The following DEK variants were observed in gnomAD, a reference collection of about 807,000 sequenced individuals.
DEK encodes DEK proto-oncogene.
A neutral mutation model predicts 46.8 loss-of-function variants in DEK; 28 were observed. The ratio of observed to expected loss-of-function variants is 0.60; its 90% CI spans 0.44 to 0.82. DEK has a LOEUF of 0.82. Ranked by LOEUF, DEK falls within the 40% of genes least tolerant of loss-of-function variation. DEK has a pLI of 0.00. For synonymous variants in DEK, 160 were observed against 144.5 expected (o/e 1.11, Z -0.77); for missense variants, 416 against 430.6 (o/e 0.97, Z 0.30).
chr6:18,243,324 A>ATT lies in DEK; in HGVS notation c.763-5810_763-5809dup, dbSNP rs5874630. On this transcript the variant is annotated intron_variant, in intron 7 of 10. Transcript: ENST00000652689. The stretch of plus-strand genomic sequence containing the variant: ...CCTGGAAGACCAGAGGACGTGTCTC[A>ATT]TTTTTTTTTTCTCCCACTTAGTAAA... Among the ~76,000 whole-genome samples, 193 of 149,860 alleles carry ATT rather than the reference A, an allele frequency of 1.3e-3. 1 individual carries two copies. Among genetic ancestry groups the ATT allele is most frequent in the African/African-American group, 4.4e-3 (180 of 40,854 alleles).
rs940401137 is a variant in DEK, at chr6:18,259,353, C to T, written c.146-948G>A. 4.6e-5 allele frequency among the ~76,000 whole-genome samples: 6 copies of T among 129,116 alleles called. 1 individual carries two copies. In the South Asian group the frequency reaches 1.5e-3, roughly 31 times the overall value. 84.7% of individuals were successfully genotyped at this position (129,116 alleles called of 152,430 possible). On this transcript the variant is annotated intron_variant, in intron 2 of 10. Transcript: ENST00000652689. Reference sequence around the variant, plus strand: ...GAGCTTGCAGTGAGCCGAGATCGCACCACTGCACCTCAGCCTGGGCGACAC... The same window carrying T: ...GAGCTTGCAGTGAGCCGAGATCGCATCACTGCACCTCAGCCTGGGCGACAC...
In DEK at chr6:18,264,444, G is replaced by C. The variant is rs761658664; in HGVS notation, c.-69C>G. ...GGGCACGAGGAGGTTCTGGGAGGCG[G>C]CGGCGGCCGACGCCGAGGAGAAGGC... On this transcript the variant is annotated 5_prime_UTR_variant, in exon 1 of 11. Coordinates refer to ENST00000652689, the MANE Select transcript of DEK (RefSeq NM_003472.4). The C allele has an allele frequency of 7.2e-6, 2 of 277,886 alleles. No homozygotes were observed. The highest frequency in any genetic ancestry group is 4.6e-5 in the African/African-American group (2 of 43,782). The allele number at this position is 277,886 out of a possible 1,614,324, so 17.2% of individuals were successfully genotyped here. A position where few individuals can be genotyped will look rare whatever the true frequency, so the allele number is the denominator to read the frequency against.
chr6:18,234,149 G>A (rs1289092278), intron 9 of DEK, among the ~76,000 whole-genome samples: 1 of 132,646 alleles, frequency 7.5e-6, no homozygotes, highest in African/African-American at 2.8e-5. Context: ...AGAACGCTTG[G>A]ACACAGGAAG....
chr6:18,232,570 A>T (rs1043331007), intron 9 of DEK, among the ~76,000 whole-genome samples: 1 of 152,132 alleles, frequency 6.6e-6, no homozygotes, highest in African/African-American at 2.4e-5. Context: ...TACACCCATA[A>T]CAGACAGAGA....
At chr6:18,225,786 T>C in intron 10 of DEK, 56 bp from the exon 11 acceptor site, 1 of 1,596,034 alleles carries the variant, frequency 6.3e-7, no homozygotes, top group Non-Finnish European at 8.6e-7. Flanking sequence ...TATCCCATTT[T>C]TTCCACATCT....
intron 9 of DEK, among the ~76,000 whole-genome samples, chr6:18,234,189 G>A (rs1435756269): frequency 6.6e-6 from 1 of 150,994 alleles, no homozygotes; most frequent in Non-Finnish European, 1.5e-5. Context: ...GCCTGTTGTG[G>A]GGTGGGGGGG....
In DEK at chr6:18,236,553, A is replaced by G. The variant is rs1790657157; in HGVS notation, c.946T>C (p.Leu316=). The change falls in exon 9 of 11, where the codon TTG becomes CTG. Residue 316 remains leucine, a synonymous_variant. Transcript: ENST00000652689. ...SSDDEPLIKK[L]KKPPTDEELK... Reference sequence around the variant, plus strand: ...TCTTCATCTGTAGGGGGTTTCTTCAACTTTTTAATTAAAGGTTCATCATCT... The same window carrying G: ...TCTTCATCTGTAGGGGGTTTCTTCAGCTTTTTAATTAAAGGTTCATCATCT... The G allele has an allele frequency of 1.3e-6, 2 of 1,584,114 alleles. No homozygotes were observed. The highest frequency in any genetic ancestry group is 1.7e-6 in the Non-Finnish European group (2 of 1,170,958).
At position 18,224,543 on chromosome 6, in the gene DEK, A is replaced by C. The variant is rs773541899; in HGVS notation, c.*1176T>G. ...TGGTCCATTATGTTGATCATCTAGA[A>C]TCAACACTGATTAACCAAACTCTGA... On this transcript the variant is annotated 3_prime_UTR_variant, in exon 11 of 11. Transcript: ENST00000652689. The C allele has an allele frequency of 3.0e-5, 6 of 201,138 alleles. No homozygotes were observed. The highest frequency in any genetic ancestry group is 6.1e-5 in the Non-Finnish European group (6 of 97,784). 12.5% of individuals were successfully genotyped at this position (201,138 alleles called of 1,614,324 possible).
intron 7 of DEK, among the ~76,000 whole-genome samples, chr6:18,240,242 C>T (rs1278508769): frequency 1.3e-5 from 2 of 152,182 alleles, no homozygotes; most frequent in East Asian, 3.8e-4. Flanking sequence ...AACAAAACCA[C>T]ATCTTTCTAC....
At chr6:18,257,809 G>A (rs779480306) in intron 4 of DEK, 144 bp downstream of exon 4, 51 of 457,278 alleles carry the variant, frequency 1.1e-4, no homozygotes, top group Middle Eastern at 4.2e-4. Flanking sequence ...TGTGTTTCCT[G>A]TGATAAATCA....
chr6:18,246,713 A>C (rs146856880), intron 7 of DEK, among the ~76,000 whole-genome samples: 237 of 152,352 alleles, frequency 1.6e-3, no homozygotes, highest in African/African-American at 5.5e-3. Flanking sequence ...GAGAACTATA[A>C]ACTTACTCGG....
At chr6:18,244,249 T>C (rs1245437931) in intron 7 of DEK, among the ~76,000 whole-genome samples, 1 of 152,206 alleles carries the variant, frequency 6.6e-6, no homozygotes. Context: ...TACTTCTCTA[T>C]ATGCTGAGTG....
At position 18,237,513 on chromosome 6, in the gene DEK, G is replaced by A; in HGVS notation, c.766C>T (p.Pro256Ser). Residue 256 changes from proline to serine, a missense_variant, in exon 8 of 11, where the codon CCA (proline) becomes TCA (serine). Coordinates refer to ENST00000652689, the MANE Select transcript of DEK (RefSeq NM_003472.4). ...TTTTCTCTTTTGGCTGTCTTTTTTG[G>A]TGGCTGTTACAAAAGAAAGTAAAAG... Reference protein sequence around the residue: ...DEDKESEEEPPKKTAKREKPK... With the variant: ...DEDKESEEEPSKKTAKREKPK... The A allele has an allele frequency of 6.3e-7, 1 of 1,595,426 alleles. No individual in the cohort carries two copies. Among genetic ancestry groups the A allele is most frequent in the Admixed American group, 1.8e-5 (1 of 54,704 alleles).
Position 18,225,460 on chromosome 6 carries a change from C to G in DEK, c.*259G>C, listed in dbSNP as rs1248949376. The G allele has an allele frequency of 2.4e-6, 1 of 412,594 alleles. No homozygotes were observed. Among genetic ancestry groups the G allele is most frequent in the Non-Finnish European group, 4.3e-6 (1 of 231,622 alleles). 25.6% of individuals were successfully genotyped at this position (412,594 alleles called of 1,614,324 possible). ...ATCTATGACCTTATATAAAGAAATCCAAAATGTACAAAATACAACTATAAA... is the reference window on the plus strand; with the variant it reads ...ATCTATGACCTTATATAAAGAAATCGAAAATGTACAAAATACAACTATAAA... On this transcript the variant is annotated 3_prime_UTR_variant, in exon 11 of 11. Coordinates refer to ENST00000652689, the MANE Select transcript of DEK (RefSeq NM_003472.4).
rs751479369 is a variant in DEK, at chr6:18,263,974, G to A, written c.14C>T (p.Ala5Val). ...GGTTCCCTCCCCCTCCGCAGCAGGG[G>A]CCGAGGCGGACATGCTGTGAACCTG... MSAS[A>V]PAAEGEGTPT... The change falls in exon 2 of 11, where the codon GCC becomes GTC. Residue 5 changes from alanine (A) to valine (V), a missense_variant. Coordinates refer to ENST00000652689, the MANE Select transcript of DEK (RefSeq NM_003472.4). 11 of 1,610,666 alleles carry A rather than the reference G, an allele frequency of 6.8e-6. No individual in the cohort carries two copies. The African/African-American group carries it at 8.0e-5, about 12-fold the overall frequency.
intron 7 of DEK, among the ~76,000 whole-genome samples, chr6:18,248,746 T>C (rs1215957707): frequency 1.4e-4 from 22 of 152,196 alleles, no homozygotes; most frequent in Admixed American, 1.4e-3. Context: ...TCAGTGGAGA[T>C]GATTCCCTCC....
rs370413497 is a variant in DEK at position 18,263,811 on chromosome 6, A to C, written c.145+32T>G. The C allele has an allele frequency of 1.5e-4, 239 of 1,611,002 alleles. 1 individual carries two copies. The African/African-American group carries it at 2.8e-3, about 19-fold the overall frequency. On this transcript the variant is annotated intron_variant, in intron 2 of 10. Coordinates refer to ENST00000652689, the MANE Select transcript of DEK (RefSeq NM_003472.4). ...AAATACAAAAAAACTTCGGTCTGAAAAATTCATCAGTTGGGATGCGACTCC... is the reference window on the plus strand; with the variant it reads ...AAATACAAAAAAACTTCGGTCTGAACAATTCATCAGTTGGGATGCGACTCC...
intron 9 of DEK, among the ~76,000 whole-genome samples, chr6:18,233,652 A>G (rs1471273300): frequency 3.9e-5 from 6 of 152,240 alleles, no homozygotes; most frequent in Non-Finnish European, 8.8e-5. Flanking sequence ...AGGAGATACC[A>G]TGTCACACCA....
intron 6 of DEK, among the ~76,000 whole-genome samples, chr6:18,250,765 G>T (rs1358255203): frequency 1.3e-5 from 2 of 150,962 alleles, no homozygotes; most frequent in Middle Eastern, 6.3e-3. Flanking sequence ...CAAAGTCCTG[G>T]GATACAGGCA....
Sources: gnomAD v4.1 joint callset for allele counts (sites outside exome capture counted in the v4.1 genomes callset) on GRCh38, gnomAD v4.1.1 for gene constraint, MANE v1.5 for transcripts, NCBI Gene and HGNC (gene_info 2026-07-23, HGNC 2026-07-21) for gene names.